DIPK2A: variants seen among roughly 807,000 people sequenced by gnomAD.
The protein encoded by DIPK2A is divergent protein kinase domain 2A, also known as Golgi Protein of 49 kDa.
Under a neutral mutation model 39.0 loss-of-function variants are expected in DIPK2A, and 27 were observed. The observed-to-expected ratio is 0.69, with a 90% confidence interval of 0.51 to 0.96. DIPK2A has a LOEUF of 0.96. Ranked by LOEUF, DIPK2A falls within the 40% of genes least tolerant of loss-of-function variation. The pLI is 0.00. For synonymous variants in DIPK2A, 298 were observed against 240.8 expected (o/e 1.24, Z -2.20); for missense variants, 528 against 571.3 (o/e 0.92, Z 0.77).
At chr3:143,985,914 A>T (rs1479574734) in intron 2 of DIPK2A, 68 bp downstream of exon 2, 1 of 1,314,344 alleles carries the variant, frequency 7.6e-7, no homozygotes, top group Admixed American at 2.2e-5. Context: ...TTATACTTGT[A>T]TGAAATGAGC....
chr3:143,979,582 G>A (rs1307592723), intron 1 of DIPK2A, among the ~76,000 whole-genome samples: 1 of 152,110 alleles, frequency 6.6e-6, no homozygotes, highest in African/African-American at 2.4e-5. Flanking sequence ...TTGGTCAATA[G>A]TGCCAGGAAC....
intron 1 of DIPK2A, chr3:143,973,771 T>G: frequency 1.7e-6 from 1 of 593,204 alleles, no homozygotes; most frequent in Non-Finnish European, 3.0e-6. Context: ...GATTCTTGCC[T>G]TTCGCCAGTT....
At chr3:143,983,851 T>C (rs997800213) in intron 1 of DIPK2A, among the ~76,000 whole-genome samples, 1 of 152,146 alleles carries the variant, frequency 6.6e-6, no homozygotes, top group Non-Finnish European at 1.5e-5. Flanking sequence ...TCATCTACAT[T>C]TTGTATTGGG....
chr3:143,985,569 A>G lies in DIPK2A; in HGVS notation c.684A>G (p.Pro228=), dbSNP rs2087886689. The change falls in exon 2 of 3, where the codon CCA becomes CCG. Residue 228 remains proline (P), a synonymous_variant. Coordinates refer to ENST00000315691, the MANE Select transcript of DIPK2A (RefSeq NM_173552.5). ...LQSFPSDEGW[P]FAKYLGACGR... ...GTTTTCCGTCTGATGAAGGTTGGCC[A>G]TTTGCAAAGTATCTTGGAGCTTGTG... The G allele has an allele frequency of 1.9e-6, 3 of 1,613,968 alleles. No homozygotes were observed. The highest frequency in any genetic ancestry group is 2.5e-6 in the Non-Finnish European group (3 of 1,179,826).
rs2087754367 is a variant in DIPK2A at position 143,977,987 on chromosome 3, A to G, written c.657+4998A>G. On this transcript the variant is annotated intron_variant, in intron 1 of 2. Transcript: ENST00000315691. ...GACCATTTTGAATTTTGTCCTTTGTATACTTTTGTCTAGTCTTTGAACTAT... is the reference window on the plus strand; with the variant it reads ...GACCATTTTGAATTTTGTCCTTTGTGTACTTTTGTCTAGTCTTTGAACTAT... Among the ~76,000 whole-genome samples, 3 of 152,174 alleles carry G rather than the reference A, an allele frequency of 2.0e-5. 1 individual carries two copies. Among genetic ancestry groups the G allele is most frequent in the Admixed American group, 2.0e-4 (3 of 15,266 alleles).
chr3:143,984,298 G>C (rs2087867458), intron 1 of DIPK2A, among the ~76,000 whole-genome samples: 2 of 152,204 alleles, frequency 1.3e-5, no homozygotes, highest in South Asian at 4.2e-4. Flanking sequence ...TGCATTCACA[G>C]CTTGGCTGTT....
Position 143,972,829 on chromosome 3 carries a change from A to G in DIPK2A, c.497A>G (p.Asp166Gly). The change falls in exon 1 of 3, where the codon GAC becomes GGC. Residue 166 changes from aspartate (D) to glycine (G), a missense_variant. Asp to Gly is a moderately conservative substitution (Grantham distance 94). Coordinates refer to ENST00000315691, the MANE Select transcript of DIPK2A (RefSeq NM_173552.5). ...CCCGAGGCGGTGGAGGGCTGGTCGGACCTGGTGCACTGCCCCTCGCAGCGC... is the reference window on the plus strand; with the variant it reads ...CCCGAGGCGGTGGAGGGCTGGTCGGGCCTGGTGCACTGCCCCTCGCAGCGC... ...LTPEAVEGWS[D>G]LVHCPSQRLL... The G allele has an allele frequency of 1.9e-6, 3 of 1,565,904 alleles. No individual in the cohort carries two copies. Among genetic ancestry groups the G allele is most frequent in the Non-Finnish European group, 2.6e-6 (3 of 1,158,916 alleles).
Position 143,972,637 on chromosome 3 carries a change from G to C in DIPK2A, c.305G>C (p.Gly102Ala). ...YFAQYGEPRE[G>A]GRRRVVLKRL... ...GCGCAGTACGGCGAGCCCCGCGAGG[G>C]CGGCCGCCGCCGAGTGGTGCTCAAG... The change falls in exon 1 of 3, where the codon GGC becomes GCC. Residue 102 changes from glycine (G) to alanine (A), a missense_variant. Gly to Ala is a moderately conservative substitution (Grantham distance 60). Transcript: ENST00000315691. The C allele has an allele frequency of 6.2e-7, 1 of 1,611,276 alleles. No homozygotes were observed. Among genetic ancestry groups the C allele is most frequent in the Non-Finnish European group, 8.5e-7 (1 of 1,179,336 alleles).
At chr3:143,973,361 G>A (rs1352444031) in intron 1 of DIPK2A, 12 of 1,545,854 alleles carry the variant, frequency 7.8e-6, no homozygotes, top group Non-Finnish European at 1.0e-5. Flanking sequence ...CCGCGGCGCA[G>A]ACTGTTCACG....
rs1030971705 is a variant in DIPK2A, at chr3:143,971,981, T to TGCGCGC, written c.-350_-345dup. The stretch of plus-strand genomic sequence containing the variant: ...TCTTGTGCGAAGCCAGCAGTGCGCG[T>TGCGCGC]GCGCGCGGGCACGGGCGCGCGACCG... On this transcript the variant is annotated 5_prime_UTR_variant, in exon 1 of 3. Coordinates refer to ENST00000315691, the MANE Select transcript of DIPK2A (RefSeq NM_173552.5). The TGCGCGC allele has an allele frequency of 2.4e-5, 6 of 252,942 alleles. No individual in the cohort carries two copies. The highest frequency in any genetic ancestry group is 4.4e-5 in the African/African-American group (2 of 45,224). 15.7% of individuals were successfully genotyped at this position (252,942 alleles called of 1,614,324 possible). A position where few individuals can be genotyped will look rare whatever the true frequency, so the allele number is the denominator to read the frequency against.
chr3:143,986,935 C>G (rs559617993), intron 2 of DIPK2A, among the ~76,000 whole-genome samples: 7 of 152,018 alleles, frequency 4.6e-5, no homozygotes, highest in Admixed American at 4.6e-4. Flanking sequence ...TGAAAATTTA[C>G]GGCACCTGGG....
At chr3:143,979,579 A>G (rs1220377569) in intron 1 of DIPK2A, among the ~76,000 whole-genome samples, 2 of 152,176 alleles carry the variant, frequency 1.3e-5, no homozygotes, top group East Asian at 1.9e-4. Flanking sequence ...GAATTGGTCA[A>G]TAGTGCCAGG....
upstream of DIPK2A, chr3:143,971,806 C>T (rs916584654): frequency 6.6e-6 from 1 of 152,228 alleles, no homozygotes; most frequent in African/African-American, 2.4e-5. Flanking sequence ...TTCTTGGTCT[C>T]AGGAGAGCCA....
chr3:143,985,637 G>A lies in DIPK2A; in HGVS notation c.752G>A (p.Ser251Asn). Residue 251 changes from serine to asparagine, a missense_variant, in exon 2 of 3, where the codon AGT becomes AAT. Coordinates refer to ENST00000315691, the MANE Select transcript of DIPK2A (RefSeq NM_173552.5). ...AATTATGTTGGAGAAGAACTGTGGA[G>A]TTACTTTAATGCGCCATGGGAAAAA... ...AVNYVGEELW[S>N]YFNAPWEKRV... 1.9e-6 allele frequency: 3 copies of A among 1,614,138 alleles called. No homozygotes were observed. The highest frequency in any genetic ancestry group is 2.5e-6 in the Non-Finnish European group (3 of 1,179,986).
In DIPK2A at chr3:143,972,446, T is replaced by A. The variant is rs764263173; in HGVS notation, c.114T>A (p.Ser38=). ...MVLHSPSLLA[S]WQRNELTDRR... ...TGCACTCGCCGTCGCTGCTCGCCTC[T>A]TGGCAGCGCAACGAACTGACCGACC... The change falls in exon 1 of 3, where the codon TCT becomes TCA. Residue 38 remains serine (S), a synonymous_variant. Transcript: ENST00000315691. 1 of 1,596,456 alleles carries A rather than the reference T, an allele frequency of 6.3e-7. No individual in the cohort carries two copies.
chr3:143,981,807 G>T (rs1214630997), intron 1 of DIPK2A, among the ~76,000 whole-genome samples: 10 of 152,134 alleles, frequency 6.6e-5, no homozygotes, highest in Admixed American at 1.3e-4. Flanking sequence ...CATTTTGACT[G>T]TTGTAAAGAT....
rs1189133762 is a variant in DIPK2A at position 143,991,356 on chromosome 3, C to A, written c.*1515C>A. 1 of 152,618 alleles carries A rather than the reference C, an allele frequency of 6.6e-6. No individual in the cohort carries two copies. The highest frequency in any genetic ancestry group is 2.4e-5 in the African/African-American group (1 of 41,462). The allele number at this position is 152,618 out of a possible 1,614,324, so 9.5% of individuals were successfully genotyped here. ...CAGGCACGTTACTAGCTGCTACATA[C>A]TGTCTGAACATGACATACGGTTAAG... On this transcript the variant is annotated 3_prime_UTR_variant, in exon 3 of 3. Transcript: ENST00000315691.
At chr3:143,981,611 T>C (rs1164237120) in intron 1 of DIPK2A, among the ~76,000 whole-genome samples, 1 of 152,166 alleles carries the variant, frequency 6.6e-6, no homozygotes, top group Non-Finnish European at 1.5e-5. Flanking sequence ...TCTTATGTAA[T>C]ATATAAACCG....
intron 2 of DIPK2A, among the ~76,000 whole-genome samples, chr3:143,986,621 G>A (rs897475906): frequency 6.6e-6 from 1 of 151,696 alleles, no homozygotes; most frequent in Admixed American, 6.6e-5. Context: ...CTACTCGGGA[G>A]GCTGAGGCAG....
Sources: gnomAD v4.1 joint callset for allele counts (sites outside exome capture counted in the v4.1 genomes callset) on GRCh38, gnomAD v4.1.1 for gene constraint, MANE v1.5 for transcripts, NCBI Gene and HGNC (gene_info 2026-07-23, HGNC 2026-07-21) for gene names.